Variants in ZNRF2 observed in about 807,000 individuals in gnomAD.
ZNRF2 encodes E3 ubiquitin-protein ligase ZNRF2.
ZNRF2 carries 16 observed loss-of-function variants against 20.4 expected under a neutral mutation model. That is an observed-to-expected ratio of 0.79 (90% CI 0.53 to 1.19). The LOEUF is 1.19. Among genes scored for constraint, ZNRF2 ranks in the 50% most tolerant of loss-of-function variants. The pLI is 0.00. For synonymous variants in ZNRF2, 178 were observed against 144.9 expected (o/e 1.23, Z -1.64); for missense variants, 363 against 332.4 (o/e 1.09, Z -0.72).
chr7:30,338,538 T>C (rs1200214507), intron 2 of ZNRF2, among the ~76,000 whole-genome samples: 1 of 151,626 alleles, frequency 6.6e-6, no homozygotes, highest in Non-Finnish European at 1.5e-5. Context: ...TGGTTTTCTG[T>C]TCCTGTGTTA....
chr7:30,299,703 A>AT (rs1799077348), intron 1 of ZNRF2, among the ~76,000 whole-genome samples: 1 of 150,320 alleles, frequency 6.7e-6, no homozygotes, highest in Non-Finnish European at 1.5e-5. Context: ...AAGTAGTTTC[A>AT]TTTTGTATGT....
rs1162382138 is a variant in ZNRF2 at position 30,285,422 on chromosome 7, A to G, written c.65A>G (p.Asp22Gly). The G allele has an allele frequency of 3.2e-6, 4 of 1,236,122 alleles. No homozygotes were observed. Among genetic ancestry groups the G allele is most frequent in the East Asian group, 5.1e-5 (1 of 19,418 alleles). 76.6% of individuals were successfully genotyped at this position (1,236,122 alleles called of 1,614,324 possible). A position where few individuals can be genotyped will look rare whatever the true frequency, so the allele number is the denominator to read the frequency against. The change falls in exon 1 of 5, where the codon GAT (aspartate) becomes GGT (glycine). Residue 22 changes from aspartate (D) to glycine (G), a missense_variant. Coordinates refer to ENST00000323037, the MANE Select transcript of ZNRF2 (RefSeq NM_147128.4). The stretch of plus-strand genomic sequence containing the variant: ...CGCACGCGCGCGTACTCGGGCTCGG[A>G]TCTACCTTCCAGTAGCAGCGGAGGC... ...NGRTRAYSGS[D>G]LPSSSSGGAN...
intron 2 of ZNRF2, among the ~76,000 whole-genome samples, chr7:30,336,343 T>C (rs1799716195): frequency 6.6e-6 from 1 of 152,148 alleles, no homozygotes; most frequent in African/African-American, 2.4e-5. Flanking sequence ...AGTAGTTTGG[T>C]ATCTTCTCAG....
intron 2 of ZNRF2, among the ~76,000 whole-genome samples, chr7:30,342,505 A>G (rs1263537883): frequency 6.6e-6 from 1 of 152,220 alleles, no homozygotes; most frequent in East Asian, 1.9e-4. Flanking sequence ...TTGACTGGAT[A>G]CGAAATTCTG....
intron 4 of ZNRF2, among the ~76,000 whole-genome samples, chr7:30,365,575 C>A (rs1424235515): frequency 1.3e-5 from 2 of 152,038 alleles, no homozygotes; most frequent in Admixed American, 1.3e-4. Context: ...GTGATAAATT[C>A]TTGTATACCT....
At chr7:30,322,800 G>A (rs1245335846) in intron 1 of ZNRF2, among the ~76,000 whole-genome samples, 1 of 152,160 alleles carries the variant, frequency 6.6e-6, no homozygotes, top group East Asian at 1.9e-4. Flanking sequence ...GGAGCAGTAG[G>A]ACAGCAGGGG....
At chr7:30,357,194 A>G (rs1050908048) in intron 3 of ZNRF2, among the ~76,000 whole-genome samples, 1 of 152,200 alleles carries the variant, frequency 6.6e-6, no homozygotes, top group Non-Finnish European at 1.5e-5. Context: ...GTGCCCATCA[A>G]TTGATTAGAG....
intron 2 of ZNRF2, among the ~76,000 whole-genome samples, chr7:30,330,800 A>C (rs1799625792): frequency 6.6e-6 from 1 of 151,864 alleles, no homozygotes; most frequent in Non-Finnish European, 1.5e-5. Context: ...CCAGCTACTA[A>C]GCAGAATTTT....
At chr7:30,285,888 C>T (rs1798777337) in intron 1 of ZNRF2, 62 bp downstream of exon 1, 1 of 1,373,770 alleles carries the variant, frequency 7.3e-7, no homozygotes, top group Non-Finnish European at 9.4e-7. Flanking sequence ...GGGCCGTGGC[C>T]GCCGGCTATT....
chr7:30,297,760 T>C (rs1313657990), intron 1 of ZNRF2, among the ~76,000 whole-genome samples: 2 of 152,172 alleles, frequency 1.3e-5, no homozygotes. Context: ...ATTTTTTTCT[T>C]TGATGACTTA....
Position 30,285,223 on chromosome 7 carries a change from CGGCGGCCCTGGACGTGCGGGG to C in ZNRF2, c.-133_-113del. ...GCCGACTGCCCCTCTGGACGCCGGG[CGGCGGCCCTGGACGTGCGGGG>C]GCCTCTCTGGGCCGGCCGCGGCGCC... On this transcript the variant is annotated 5_prime_UTR_variant, in exon 1 of 5. Transcript: ENST00000323037. The C allele has an allele frequency of 3.1e-6, 2 of 654,208 alleles. No homozygotes were observed. Among genetic ancestry groups the C allele is most frequent in the Non-Finnish European group, 4.2e-6 (2 of 479,006 alleles). The allele number at this position is 654,208 out of a possible 1,614,324, so 40.5% of individuals were successfully genotyped here.
intron 1 of ZNRF2, among the ~76,000 whole-genome samples, chr7:30,305,985 A>G (rs1371085097): frequency 1.3e-5 from 2 of 152,044 alleles, no homozygotes; most frequent in Non-Finnish European, 2.9e-5. Flanking sequence ...TGATTTTTGG[A>G]TCTGTAGCTG....
intron 1 of ZNRF2, among the ~76,000 whole-genome samples, chr7:30,287,901 GA>G (rs1182992720): frequency 6.6e-6 from 1 of 152,166 alleles, no homozygotes; most frequent in African/African-American, 2.4e-5. Flanking sequence ...TTCAGATGAG[GA>G]ACCTCAGTTG....
chr7:30,336,970 T>C (rs962555525), intron 2 of ZNRF2, among the ~76,000 whole-genome samples: 2 of 152,192 alleles, frequency 1.3e-5, no homozygotes, highest in African/African-American at 2.4e-5. Flanking sequence ...GGTTGTATTA[T>C]TGAAATATTT....
At position 30,285,257 on chromosome 7, in the gene ZNRF2, C is replaced by G. The variant is rs939057791; in HGVS notation, c.-101C>G. 6 of 888,090 alleles carry G rather than the reference C, an allele frequency of 6.8e-6. No individual in the cohort carries two copies. Among genetic ancestry groups the G allele is most frequent in the African/African-American group, 1.8e-5 (1 of 54,792 alleles). The allele number at this position is 888,090 out of a possible 1,614,324, so 55.0% of individuals were successfully genotyped here. ...TGGACGTGCGGGGGCCTCTCTGGGCCGGCCGCGGCGCCTGGGCCCTGCCCT... is the reference window on the plus strand; with the variant it reads ...TGGACGTGCGGGGGCCTCTCTGGGCGGGCCGCGGCGCCTGGGCCCTGCCCT... On this transcript the variant is annotated 5_prime_UTR_variant, in exon 1 of 5. Coordinates refer to ENST00000323037, the MANE Select transcript of ZNRF2 (RefSeq NM_147128.4).
chr7:30,353,878 T>C (rs1799994531), intron 2 of ZNRF2, among the ~76,000 whole-genome samples: 1 of 152,174 alleles, frequency 6.6e-6, no homozygotes, highest in Non-Finnish European at 1.5e-5. Flanking sequence ...TTGATAAGAA[T>C]GGTATACCTT....
intron 1 of ZNRF2, chr7:30,288,848 C>G (rs970066381): frequency 6.6e-5 from 10 of 152,122 alleles, no homozygotes; most frequent in Non-Finnish European, 1.5e-4. Flanking sequence ...AAGGGTATTT[C>G]CTAATATTTA....
At chr7:30,343,569 A>AT (rs933673281) in intron 2 of ZNRF2, among the ~76,000 whole-genome samples, 4 of 151,958 alleles carry the variant, frequency 2.6e-5, no homozygotes, top group African/African-American at 9.7e-5. Context: ...TGCAAATTGC[A>AT]TTTTTTAATA....
At chr7:30,302,989 A>G (rs975103057) in intron 1 of ZNRF2, among the ~76,000 whole-genome samples, 9 of 152,192 alleles carry the variant, frequency 5.9e-5, no homozygotes, top group Non-Finnish European at 1.3e-4. Context: ...TCTGTAATAA[A>G]GAAGTCTAAG....
Sources: allele counts gnomAD v4.1 joint callset (sites outside exome capture counted in the v4.1 genomes callset), GRCh38; gene constraint gnomAD v4.1.1; transcripts MANE v1.5; gene names NCBI Gene and HGNC (gene_info 2026-07-23, HGNC 2026-07-21).